The following RCOR3 variants were observed in gnomAD, a reference collection of about 807,000 sequenced individuals.
RCOR3 encodes the protein REST corepressor 3.
Under a neutral mutation model 64.1 loss-of-function variants are expected in RCOR3, and 13 were observed. The observed-to-expected ratio is 0.20, with a 90% CI of 0.13 to 0.32. The LOEUF is 0.32. RCOR3 is among the 10% of genes least tolerant of loss of function. The pLI is 1.00. For synonymous variants in RCOR3, 215 were observed against 239.0 expected (o/e 0.90, Z 0.93); for missense variants, 489 against 701.2 (o/e 0.70, Z 3.42).
At chr1:211,303,163 C>G (rs766096481) in intron 9 of RCOR3, 1 of 152,134 alleles carries the variant, frequency 6.6e-6, no homozygotes, top group Non-Finnish European at 1.5e-5. Context: ...AGGTTTTTCT[C>G]TCCTTAATTC....
At chr1:211,306,379 T>C (rs1462805868) in intron 10 of RCOR3, among the ~76,000 whole-genome samples, 2 of 152,052 alleles carry the variant, frequency 1.3e-5, no homozygotes. Context: ...AAAAAAAAAG[T>C]ATGGTAAACC....
At chr1:211,300,278 C>T (rs1308832836) in intron 9 of RCOR3, among the ~76,000 whole-genome samples, 4 of 151,980 alleles carry the variant, frequency 2.6e-5, no homozygotes, top group African/African-American at 9.7e-5. Flanking sequence ...CTATGTTGCC[C>T]AGGCTGGTCT....
chr1:211,269,956 C>T (rs186539376), intron 2 of RCOR3, among the ~76,000 whole-genome samples: 1,712 of 151,888 alleles, frequency 0.011, 14 homozygotes, highest in Middle Eastern at 0.071. Flanking sequence ...AGCAAGACTT[C>T]ACATGTTTAA....
intron 10 of RCOR3, among the ~76,000 whole-genome samples, chr1:211,308,015 AAGAT>A (rs138372283): frequency 0.12 from 17,622 of 152,176 alleles, 1,126 homozygotes; most frequent in South Asian, 0.2. Context: ...TACTAACAAA[AAGAT>A]AGAAGGGTTT....
chr1:211,290,868 C>T (rs1317847675), intron 8 of RCOR3, among the ~76,000 whole-genome samples: 1 of 152,090 alleles, frequency 6.6e-6, no homozygotes, highest in Non-Finnish European at 1.5e-5. Context: ...ATTTGAAATT[C>T]ATCCTGAGTT....
chr1:211,274,529 T>C lies in RCOR3; in HGVS notation c.354+267T>C, dbSNP rs1252071805. ...TCTGAAAGTTTCTGGAAGCCTTCAG[T>C]ATTCCTCTGGCAAATGCTTACCAAA... On this transcript the variant is annotated intron_variant, in intron 4 of 11. Transcript: ENST00000419091. 6.6e-5 allele frequency among the ~76,000 whole-genome samples: 10 copies of C among 152,118 alleles called. No homozygotes were observed. In the East Asian group the frequency reaches 1.5e-3, roughly 23 times the overall value.
chr1:211,294,586 C>CTTTTTTTTTTTTTT (rs35962546), intron 8 of RCOR3, among the ~76,000 whole-genome samples: 3 of 88,030 alleles, frequency 3.4e-5, no homozygotes, highest in Admixed American at 1.5e-4. Flanking sequence ...TTCTTTCTTT[C>CTTTTTTTTTTTTTT]TTTTTTTTTT....
intron 5 of RCOR3, 56 bp downstream of exon 5, chr1:211,276,474 A>T: frequency 7.3e-7 from 1 of 1,376,914 alleles, no homozygotes; most frequent in Non-Finnish European, 1.0e-6. Flanking sequence ...TTAAGCTACT[A>T]TTAAACACTT....
chr1:211,271,801 G>A, intron 3 of RCOR3: 1 of 230,062 alleles, frequency 4.3e-6, no homozygotes, highest in Non-Finnish European at 9.0e-6. Flanking sequence ...CTTGAATCAT[G>A]GTGTGGCTTT....
chr1:211,269,234 C>G (rs1459413346), intron 2 of RCOR3, among the ~76,000 whole-genome samples: 2 of 152,082 alleles, frequency 1.3e-5, no homozygotes, highest in Non-Finnish European at 2.9e-5. Context: ...GAGGCTGAGG[C>G]GGGTGGATCA....
chr1:211,264,684 A>C (rs1694897548), intron 2 of RCOR3, among the ~76,000 whole-genome samples: 1 of 152,182 alleles, frequency 6.6e-6, no homozygotes, highest in Non-Finnish European at 1.5e-5. Context: ...ACTTGGTCTC[A>C]AAAAAAGAAA....
At chr1:211,279,973 T>A (rs893697872) in intron 7 of RCOR3, among the ~76,000 whole-genome samples, 2 of 152,194 alleles carry the variant, frequency 1.3e-5, no homozygotes, top group Admixed American at 1.3e-4. Flanking sequence ...TGAAAAACAG[T>A]TTCCAGTCTC....
chr1:211,262,032 A>ATTTT (rs1558035836), intron 2 of RCOR3, among the ~76,000 whole-genome samples: 4 of 37,986 alleles, frequency 1.1e-4, no homozygotes, highest in African/African-American at 1.7e-4. Flanking sequence ...AGCTATAAAA[A>ATTTT]CTTTTTTTTT....
At chr1:211,282,971 A>G (rs973684101) in intron 7 of RCOR3, among the ~76,000 whole-genome samples, 24 of 152,182 alleles carry the variant, frequency 1.6e-4, no homozygotes, top group African/African-American at 4.8e-4. Context: ...TATTGTATGT[A>G]TTCTTCAGTA....
Position 211,259,662 on chromosome 1 carries a change from G to T in RCOR3, c.102G>T (p.Ser34=). The change falls in exon 1 of 12, where the codon TCG becomes TCT. Residue 34 remains serine (S), a synonymous_variant. Coordinates refer to ENST00000419091, the MANE Select transcript of RCOR3 (RefSeq NM_001136223.3). ...SPAGGGGSGA[S]STNGGLHYSE... is the part of the protein sequence containing the mutation. ...CAGGCGGCGGCGGCAGCGGCGCCTC[G>T]TCCACCAACGGCGGGCTGCACTACT... 6.5e-7 allele frequency: 1 copy of T among 1,546,550 alleles called. No homozygotes were observed. Among genetic ancestry groups the T allele is most frequent in the South Asian group, 1.2e-5 (1 of 83,870 alleles).
chr1:211,294,454 T>C (rs146050855), intron 8 of RCOR3, among the ~76,000 whole-genome samples: 1 of 152,280 alleles, frequency 6.6e-6, no homozygotes, highest in Non-Finnish European at 1.5e-5. Flanking sequence ...TGTGTTGCCA[T>C]TTTTATTAGG....
At chr1:211,272,782 C>T (rs1015761890) in intron 3 of RCOR3, among the ~76,000 whole-genome samples, 4 of 150,396 alleles carry the variant, frequency 2.7e-5, no homozygotes, top group Admixed American at 6.6e-5. Flanking sequence ...CCACTACGCC[C>T]GGCTAATTTT....
chr1:211,263,252 T>G (rs1436488531), intron 2 of RCOR3, among the ~76,000 whole-genome samples: 9 of 152,086 alleles, frequency 5.9e-5, no homozygotes, highest in Admixed American at 5.9e-4. Context: ...TGTGCCACAT[T>G]TTCTTAATCC....
intron 2 of RCOR3, among the ~76,000 whole-genome samples, chr1:211,263,454 T>A (rs1159908338): frequency 1.3e-5 from 2 of 152,094 alleles, no homozygotes; most frequent in African/African-American, 4.8e-5. Context: ...CTAATTGAAT[T>A]TTATTATTAG....
Sources: gnomAD v4.1 joint callset for allele counts (sites outside exome capture counted in the v4.1 genomes callset) on GRCh38, gnomAD v4.1.1 for gene constraint, MANE v1.5 for transcripts, NCBI Gene and HGNC (gene_info 2026-07-23, HGNC 2026-07-21) for gene names.